The following FAT1 variants were observed in gnomAD, a reference collection of about 807,000 sequenced individuals.
FAT1 encodes FAT atypical cadherin 1.
Under a neutral mutation model 329.8 loss-of-function variants are expected in FAT1, and 171 were observed. The observed-to-expected ratio is 0.52, with a 90% CI of 0.46 to 0.59. FAT1 has a LOEUF of 0.59. Ranked by LOEUF, FAT1 falls within the 20% of genes least tolerant of loss-of-function variation. The pLI is 0.00. For missense variants in FAT1, 5,672 were observed against 5,774.4 expected, an observed-to-expected ratio of 0.98 and a Z score of 0.57; for synonymous variants, 2,233 against 2,228.6, an observed-to-expected ratio of 1.00 and a Z score of -0.06.
intron 24 of FAT1, 28 bp downstream of exon 24, chr4:186,597,654 A>C: frequency 6.5e-7 from 1 of 1,545,826 alleles, no homozygotes; most frequent in Non-Finnish European, 8.9e-7. Context: ...AAAAGGTATG[A>C]ACCTAAATTT....
intron 2 of FAT1, among the ~76,000 whole-genome samples, chr4:186,673,294 A>C (rs1261097740): frequency 6.6e-6 from 1 of 152,226 alleles, no homozygotes; most frequent in African/African-American, 2.4e-5. Flanking sequence ...AGTCAATTAA[A>C]ACAATACCTG....
chr4:186,673,073 A>G (rs551810807), intron 2 of FAT1, among the ~76,000 whole-genome samples: 2 of 152,350 alleles, frequency 1.3e-5, no homozygotes, highest in Admixed American at 6.5e-5. Flanking sequence ...AGAGAAAAAT[A>G]TAAACGTATA....
intron 2 of FAT1, 55 bp downstream of exon 2, chr4:186,706,508 A>G (rs1579482151): frequency 7.8e-7 from 1 of 1,284,480 alleles, no homozygotes; most frequent in Non-Finnish European, 1.0e-6. Flanking sequence ...AGATGGTTAA[A>G]AAAAAAAAAA....
intron 26 of FAT1, among the ~76,000 whole-genome samples, chr4:186,591,938 C>T (rs1392495621): frequency 1.3e-5 from 2 of 152,080 alleles, no homozygotes; most frequent in East Asian, 1.9e-4. Context: ...ATCTCTAGAC[C>T]GGCACCATCA....
intron 2 of FAT1, among the ~76,000 whole-genome samples, chr4:186,689,947 T>C (rs1743675000): frequency 6.6e-6 from 1 of 152,218 alleles, no homozygotes; most frequent in South Asian, 2.1e-4. Context: ...ACCTACTTTT[T>C]CCCATCACCC....
Position 186,619,730 on chromosome 4 carries a change from G to A in FAT1, c.6856C>T (p.Gln2286Ter), listed in dbSNP as rs2126508584. ...INDNPPVFAQ[Q>*]SYAVTLSEAS... ...TCAGACAGGGTCACCGCATAAGACT[G>A]CTGAGCAAACACAGGAGGGTTATCA... Residue 2286 changes from glutamine to a stop codon, truncating the protein, a stop_gained, in exon 10 of 27, where the codon CAG becomes TAG. Coordinates refer to ENST00000441802, the MANE Select transcript of FAT1 (RefSeq NM_005245.4). LOFTEE classifies it high-confidence loss of function. 6.2e-7 allele frequency: 1 copy of A among 1,613,996 alleles called. No homozygotes were observed. Among genetic ancestry groups the A allele is most frequent in the African/African-American group, 1.3e-5 (1 of 75,044 alleles).
intron 3 of FAT1, among the ~76,000 whole-genome samples, chr4:186,656,790 T>A (rs888708196): frequency 6.6e-6 from 1 of 152,096 alleles, no homozygotes; most frequent in Non-Finnish European, 1.5e-5. Context: ...ACCTAGAAAT[T>A]CAGTTTTTAC....
Position 186,619,490 on chromosome 4 carries a change from C to T in FAT1, c.7096G>A (p.Gly2366Ser), listed in dbSNP as rs1739916046. Reference protein sequence around the residue: ...HTIFVRAVDGGMPTLSSDVIV... With the variant: ...HTIFVRAVDGSMPTLSSDVIV... ...ACATCACTGCTCAGCGTGGGCATAC[C>T]ACCATCAACTGCCCTCACAAAAATC... The change falls in exon 10 of 27, where the codon GGT becomes AGT. Residue 2366 changes from glycine (G) to serine (S), a missense_variant. Physicochemically the swap from Gly to Ser is moderately conservative, Grantham distance 56 (BLOSUM62 0). This residue lies in a region of FAT1 where 3,966 missense variants were observed against 3,915.2 expected (regional missense o/e 1.01). Transcript: ENST00000441802. 1 of 1,613,818 alleles carries T rather than the reference C, an allele frequency of 6.2e-7. No homozygotes were observed. Among genetic ancestry groups the T allele is most frequent in the African/African-American group, 1.3e-5 (1 of 74,876 alleles).
In FAT1 at chr4:186,618,371, T is replaced by C. The variant is rs758569566; in HGVS notation, c.8215A>G (p.Lys2739Glu). The change falls in exon 10 of 27, where the codon AAA becomes GAA. Residue 2739 changes from lysine (K) to glutamate (E), a missense_variant. Coordinates refer to ENST00000441802, the MANE Select transcript of FAT1 (RefSeq NM_005245.4). ...CTATTGCTTTCTGGAGTATTCCCTTTGACCAGGCTGTAAAGAACAGTCCCA... is the reference window on the plus strand; with the variant it reads ...CTATTGCTTTCTGGAGTATTCCCTTCGACCAGGCTGTAAAGAACAGTCCCA... The part of the protein sequence containing the change: ...HSGTVLYSLV[K>E]GNTPESNRDE... 1 of 1,614,052 alleles carries C rather than the reference T, an allele frequency of 6.2e-7. No homozygotes were observed. Among genetic ancestry groups the C allele is most frequent in the Non-Finnish European group, 8.5e-7 (1 of 1,179,902 alleles).
At chr4:186,636,457 A>ATGGGGCCAGC in intron 5 of FAT1, 128 bp downstream of exon 5, 1 of 1,043,144 alleles carries the variant, frequency 9.6e-7, no homozygotes, top group Non-Finnish European at 1.4e-6. Flanking sequence ...GCATTGCCTA[A>ATGGGGCCAGC]TGGGGCCAGC....
At chr4:186,651,869 C>A (rs146513837) in intron 3 of FAT1, among the ~76,000 whole-genome samples, 1 of 152,196 alleles carries the variant, frequency 6.6e-6, no homozygotes, top group East Asian at 1.9e-4. Flanking sequence ...CAGCCGGCTG[C>A]GCGCTCTTTC....
In FAT1 at chr4:186,706,523, G is replaced by T. The variant is rs538398652; in HGVS notation, c.3265+40C>A. The T allele has an allele frequency of 1.9e-4, 282 of 1,515,406 alleles. 2 individuals carry two copies. The South Asian group carries it at 2.5e-3, about 13-fold the overall frequency. The allele number at this position is 1,515,406 out of a possible 1,614,324, so 93.9% of individuals were successfully genotyped here. ...AGATGGTTAAAAAAAAAAAAAAAAT[G>T]GAAAAGGGCATCAAATGAGAGCAAT... is the stretch of plus-strand genomic sequence containing the variant. On this transcript the variant is annotated intron_variant, in intron 2 of 26. Coordinates refer to ENST00000441802, the MANE Select transcript of FAT1 (RefSeq NM_005245.4).
At chr4:186,655,653 G>A (rs903920630) in intron 3 of FAT1, among the ~76,000 whole-genome samples, 6 of 151,846 alleles carry the variant, frequency 4.0e-5, no homozygotes, top group African/African-American at 9.7e-5. Flanking sequence ...AGCTGGTCTC[G>A]AACTCCTGAC....
chr4:186,708,843 G>C lies in FAT1; in HGVS notation c.985C>G (p.Pro329Ala), dbSNP rs1312806008. The change falls in exon 2 of 27, where the codon CCT (proline) becomes GCT (alanine). Residue 329 changes from proline to alanine, a missense_variant. Transcript: ENST00000441802. Reference sequence around the variant, plus strand: ...TGTAGTGTGAGATTGTAGCCGAAAGGATGACTGTCCCAATCAATGCCACCG... The same window carrying C: ...TGTAGTGTGAGATTGTAGCCGAAAGCATGACTGTCCCAATCAATGCCACCG... Reference protein sequence around the residue: ...AIGGIDWDSHPFGYNLTLQAK... With the variant: ...AIGGIDWDSHAFGYNLTLQAK... The C allele has an allele frequency of 6.2e-7, 1 of 1,613,832 alleles. No homozygotes were observed. The highest frequency in any genetic ancestry group is 8.5e-7 in the Non-Finnish European group (1 of 1,179,886).
Position 186,625,627 on chromosome 4 carries a change from T to C in FAT1, c.4810+2527A>G, listed in dbSNP as rs558625386. Among the ~76,000 whole-genome samples, 62 of 152,384 alleles carry C rather than the reference T, an allele frequency of 4.1e-4. 1 individual carries two copies. Among genetic ancestry groups the C allele is most frequent in the African/African-American group, 1.4e-3 (58 of 41,592 alleles). On this transcript the variant is annotated intron_variant, in intron 9 of 26. Transcript: ENST00000441802. ...AAACAAGTTAAATGGAATATTTTAA[T>C]TCTCTAAACTCATTATGAAGAAGAC...
At position 186,621,048 on chromosome 4, in the gene FAT1, G is replaced by A. The variant is rs752968071; in HGVS notation, c.5538C>T (p.Thr1846=). Residue 1846 remains threonine, a synonymous_variant, in exon 10 of 27, where the codon ACC becomes ACT. Transcript: ENST00000441802. ...GGGTTCCCATGTCATGCACTTGGACGGTAAAGTGAAAAATACTTGTTTCTT... is the reference window on the plus strand; with the variant it reads ...GGGTTCCCATGTCATGCACTTGGACAGTAAAGTGAAAAATACTTGTTTCTT... ...DYEETSIFHF[T]VQVHDMGTPR... 2.4e-5 allele frequency: 38 copies of A among 1,612,550 alleles called. No homozygotes were observed. The highest frequency in any genetic ancestry group is 5.0e-5 in the Admixed American group (3 of 59,984).
chr4:186,683,195 T>A (rs561823441), intron 2 of FAT1, among the ~76,000 whole-genome samples: 1 of 152,350 alleles, frequency 6.6e-6, no homozygotes, highest in South Asian at 2.1e-4. Context: ...AAGGAGGCCA[T>A]GCACACCCTG....
At position 186,600,686 on chromosome 4, in the gene FAT1, C is replaced by T. The variant is rs1280108; in HGVS notation, c.11641-326G>A. Among the ~76,000 whole-genome samples the T allele has an allele frequency of 0.08, 12,155 of 152,226 alleles. 1,429 individuals are homozygous for T. Among genetic ancestry groups the T allele is most frequent in the African/African-American group, 0.26 (10,777 of 41,486 alleles). On this transcript the variant is annotated intron_variant, in intron 21 of 26. Transcript: ENST00000441802. The stretch of plus-strand genomic sequence containing the variant: ...TGGGCAAGATACATAACACTTGAAA[C>T]ACATGTAGGATGTCTCTATAAACTG...
Position 186,603,752 on chromosome 4 carries a change from C to A in FAT1, c.10774G>T (p.Val3592Phe), listed in dbSNP as rs1285915868. The A allele has an allele frequency of 1.9e-6, 3 of 1,613,928 alleles. No homozygotes were observed. The change falls in exon 19 of 27, where the codon GTT (valine) becomes TTT (phenylalanine). Residue 3592 changes from valine (V) to phenylalanine (F), a missense_variant. By Grantham distance (50) the Val-to-Phe change is conservative. This residue lies in a region of FAT1 where 1,706 missense variants were observed against 1,859.1 expected (regional missense o/e 0.92). Transcript: ENST00000441802. ...ATCAGCTTGCCCCCTGTGCTGGAAA[C>A]AGAGAACAGGTTGTCCATCTGAGGG... The part of the protein sequence containing the change: ...LDPQMDNLFS[V>F]SSTGGKLIAH...
Sources: gnomAD v4.1 joint callset for allele counts (sites outside exome capture counted in the v4.1 genomes callset) on GRCh38, gnomAD v4.1.1 for gene constraint, gnomAD v4.1.1 regional missense constraint, MANE v1.5 for transcripts, NCBI Gene and HGNC (gene_info 2026-07-23, HGNC 2026-07-21) for gene names.